Variants in GALNTL6 observed in about 807,000 individuals in gnomAD.
GALNTL6 encodes the protein polypeptide N-acetylgalactosaminyltransferase-like 6.
Under a neutral mutation model 73.7 loss-of-function variants are expected in GALNTL6, and 46 were observed. That is an observed-to-expected ratio of 0.62 (90% CI 0.49 to 0.80). GALNTL6 has a LOEUF of 0.80. GALNTL6 is among the 30% of genes least tolerant of loss of function. GALNTL6 has a pLI of 0.00. For missense variants in GALNTL6, 604 were observed against 755.0 expected, an observed-to-expected ratio of 0.80 and a Z score of 2.34; for synonymous variants, 259 against 263.7, an observed-to-expected ratio of 0.98 and a Z score of 0.17.
At chr4:172,927,699 A>G (rs1360727200) in intron 8 of GALNTL6, among the ~76,000 whole-genome samples, 1 of 152,180 alleles carries the variant, frequency 6.6e-6, no homozygotes, top group Non-Finnish European at 1.5e-5. Flanking sequence ...TATTTACCCA[A>G]TGCATGACAT....
intron 12 of GALNTL6, among the ~76,000 whole-genome samples, chr4:173,030,549 G>C (rs1012610322): frequency 6.6e-6 from 1 of 152,114 alleles, no homozygotes; most frequent in Non-Finnish European, 1.5e-5. Context: ...AAAGAATCTT[G>C]TTAATAGGAA....
chr4:172,082,993 T>C (rs1731924761), intron 2 of GALNTL6, among the ~76,000 whole-genome samples: 1 of 152,164 alleles, frequency 6.6e-6, no homozygotes, highest in Admixed American at 6.5e-5. Flanking sequence ...TCCCAAAAGC[T>C]TGATCCTTCT....
chr4:172,563,906 A>G (rs1736469665), intron 5 of GALNTL6, among the ~76,000 whole-genome samples: 1 of 152,202 alleles, frequency 6.6e-6, no homozygotes, highest in African/African-American at 2.4e-5. Flanking sequence ...TTCTCAAATG[A>G]TAAGAGAGAT....
intron 12 of GALNTL6, among the ~76,000 whole-genome samples, chr4:173,036,727 A>G (rs1406090802): frequency 6.6e-6 from 1 of 152,218 alleles, no homozygotes; most frequent in Non-Finnish European, 1.5e-5. Context: ...ATCCTCCAGG[A>G]CTGGACAAAG....
intron 5 of GALNTL6, among the ~76,000 whole-genome samples, chr4:172,646,878 A>G (rs573544368): frequency 1.0e-3 from 157 of 152,224 alleles, no homozygotes; most frequent in African/African-American, 3.7e-3. Flanking sequence ...TTTCTAGTCA[A>G]TACAAATCTT....
chr4:171,991,722 GTGTGTGTGTATA>G (rs1175286042), intron 2 of GALNTL6, among the ~76,000 whole-genome samples: 1 of 25,176 alleles, frequency 4.0e-5, no homozygotes, highest in Non-Finnish European at 8.7e-5. Context: ...ATGTGTGTGT[GTGTGTGTGTATA>G]TATATATATA....
intron 8 of GALNTL6, among the ~76,000 whole-genome samples, chr4:172,923,087 A>T (rs536611834): frequency 8.4e-4 from 128 of 152,320 alleles, no homozygotes; most frequent in African/African-American, 3.0e-3. Context: ...TTTGCAGTTA[A>T]CCTGCCAGGA....
At position 171,983,464 on chromosome 4, in the gene GALNTL6, TTTTATTTATTTA is replaced by T. The variant is rs3081370; in HGVS notation, c.138+168778_138+168789del. Among the ~76,000 whole-genome samples the T allele has an allele frequency of 8.3e-3, 1,178 of 141,150 alleles. 20 individuals carry two copies. Among genetic ancestry groups the T allele is most frequent in the African/African-American group, 0.028 (1,076 of 38,030 alleles). The allele number at this position is 141,150 out of a possible 152,430, so 92.6% of individuals were successfully genotyped here. On this transcript the variant is annotated intron_variant, in intron 2 of 12. Transcript: ENST00000506823. ...AAGGCCAGCTTCAGAGGCATCTTGA[TTTTATTTATTTA>T]TTTATTTATTTATTTATTTATTTAT...
chr4:172,537,880 G>A (rs138798335), intron 5 of GALNTL6, among the ~76,000 whole-genome samples: 2 of 152,222 alleles, frequency 1.3e-5, no homozygotes, highest in African/African-American at 4.8e-5. Context: ...AAGTGCCATT[G>A]AACACATTAG....
chr4:172,560,108 A>G (rs1736299859), intron 5 of GALNTL6, among the ~76,000 whole-genome samples: 1 of 152,166 alleles, frequency 6.6e-6, no homozygotes, highest in Non-Finnish European at 1.5e-5. Context: ...AAAAGTTCAG[A>G]TTCAATTCAG....
chr4:171,935,368 C>T (rs1206367073), intron 2 of GALNTL6, among the ~76,000 whole-genome samples: 2 of 152,118 alleles, frequency 1.3e-5, no homozygotes, highest in Admixed American at 6.6e-5. Context: ...CAGAGGATAG[C>T]ACCCAACAGA....
chr4:172,252,874 C>A, intron 3 of GALNTL6, among the ~76,000 whole-genome samples: 1 of 150,812 alleles, frequency 6.6e-6, no homozygotes, highest in African/African-American at 2.4e-5. Flanking sequence ...AATAGGATAG[C>A]AATGAAAGAT....
At chr4:172,073,964 G>C (rs1473147230) in intron 2 of GALNTL6, among the ~76,000 whole-genome samples, 2 of 152,164 alleles carry the variant, frequency 1.3e-5, no homozygotes, top group African/African-American at 2.4e-5. Flanking sequence ...ATCAGATTCA[G>C]TCTCAAGTTA....
At chr4:172,241,084 C>T (rs1737420344) in intron 3 of GALNTL6, among the ~76,000 whole-genome samples, 1 of 152,044 alleles carries the variant, frequency 6.6e-6, no homozygotes, top group African/African-American at 2.4e-5. Flanking sequence ...AATTCTTGTC[C>T]TTGGTTTTAC....
intron 5 of GALNTL6, among the ~76,000 whole-genome samples, chr4:172,415,125 A>T (rs958500163): frequency 6.6e-6 from 1 of 152,188 alleles, no homozygotes; most frequent in Non-Finnish European, 1.5e-5. Flanking sequence ...TTCTGTCGTC[A>T]AAGTAATTAC....
At chr4:172,226,839 T>C (rs576448341) in intron 2 of GALNTL6, among the ~76,000 whole-genome samples, 95 of 152,314 alleles carry the variant, frequency 6.2e-4, no homozygotes, top group Middle Eastern at 3.4e-3. Flanking sequence ...TATCACATTT[T>C]TACATTTCAG....
chr4:171,918,069 G>A (rs907916773), intron 2 of GALNTL6, among the ~76,000 whole-genome samples: 2 of 151,996 alleles, frequency 1.3e-5, no homozygotes, highest in African/African-American at 4.8e-5. Flanking sequence ...TCATTGCCTG[G>A]GATTCACTGA....
intron 2 of GALNTL6, among the ~76,000 whole-genome samples, chr4:172,136,024 T>G (rs1050665561): frequency 1.3e-5 from 2 of 152,140 alleles, no homozygotes; most frequent in Non-Finnish European, 2.9e-5. Context: ...CCACTTCTTG[T>G]TTTTAGTTAG....
chr4:172,487,482 G>A lies in GALNTL6; in HGVS notation c.553+138793G>A, dbSNP rs1338559055. 2.0e-5 allele frequency among the ~76,000 whole-genome samples: 3 copies of A among 151,604 alleles called. No homozygotes were observed. In the East Asian group the frequency reaches 5.8e-4, roughly 29 times the overall value. ...CTCACTGCCTACCTCCACCACCCGGGTTCAAGCGATTCTCTTGCCTTAGCC... is the reference window on the plus strand; with the variant it reads ...CTCACTGCCTACCTCCACCACCCGGATTCAAGCGATTCTCTTGCCTTAGCC... On this transcript the variant is annotated intron_variant, in intron 5 of 12. Transcript: ENST00000506823.
Sources: gnomAD v4.1 joint callset for allele counts (sites outside exome capture counted in the v4.1 genomes callset) on GRCh38, gnomAD v4.1.1 for gene constraint, MANE v1.5 for transcripts, NCBI Gene and HGNC (gene_info 2026-07-23, HGNC 2026-07-21) for gene names.